The following RPTOR variants were observed in gnomAD, a reference collection of about 807,000 sequenced individuals.
RPTOR encodes regulatory associated protein of MTOR complex 1.
Under a neutral mutation model 169.9 loss-of-function variants are expected in RPTOR, and 21 were observed. The ratio of observed to expected loss-of-function variants is 0.12; its 90% CI spans 0.09 to 0.18. RPTOR has a LOEUF of 0.18. RPTOR is among the 10% of genes least tolerant of loss of function. The pLI is 1.00. For synonymous variants in RPTOR, 732 were observed against 753.2 expected (o/e 0.97, Z 0.46); for missense variants, 1,133 against 1,855.9 (o/e 0.61, Z 7.16).
At chr17:80,810,093 AAAAC>A (rs1322489841) in intron 7 of RPTOR, among the ~76,000 whole-genome samples, 1 of 147,132 alleles carries the variant, frequency 6.8e-6, no homozygotes, top group Admixed American at 6.7e-5. Context: ...ATAAATAAAT[AAAAC>A]AGTCTTTTGA....
At chr17:80,701,038 G>C (rs930230468) in intron 3 of RPTOR, among the ~76,000 whole-genome samples, 3 of 152,138 alleles carry the variant, frequency 2.0e-5, no homozygotes, top group Non-Finnish European at 4.4e-5. Context: ...CTGTTGTCCA[G>C]CTGGGTGATT....
At chr17:80,785,093 C>T (rs1241121163) in intron 6 of RPTOR, among the ~76,000 whole-genome samples, 1 of 152,194 alleles carries the variant, frequency 6.6e-6, no homozygotes, top group East Asian at 1.9e-4. Context: ...TTTGCTGTAT[C>T]TCTGTATGAC....
chr17:80,904,286 A>G (rs2068513932), intron 20 of RPTOR, among the ~76,000 whole-genome samples: 1 of 151,614 alleles, frequency 6.6e-6, no homozygotes, highest in Non-Finnish European at 1.5e-5. Flanking sequence ...GTTCCCCAGG[A>G]TGGCAGAGGG....
intron 16 of RPTOR, 22 bp from the exon 17 acceptor site, chr17:80,884,986 G>A (rs752941990): frequency 1.2e-6 from 2 of 1,601,908 alleles, no homozygotes; most frequent in Admixed American, 1.7e-5. Context: ...GGACATGCCT[G>A]TGACCCCCCG....
chr17:80,884,641 A>G (rs1375273298), intron 16 of RPTOR, among the ~76,000 whole-genome samples: 1 of 152,136 alleles, frequency 6.6e-6, no homozygotes, highest in Non-Finnish European at 1.5e-5. Flanking sequence ...CTCTGCGTCC[A>G]GGAGTGCCTG....
intron 21 of RPTOR, 24 bp downstream of exon 21, chr17:80,908,953 G>T: frequency 6.6e-7 from 1 of 1,521,166 alleles, no homozygotes. Context: ...GCTCCCCACC[G>T]CGCTCCAGCT....
chr17:80,921,917 C>A (rs2068749542), intron 21 of RPTOR, among the ~76,000 whole-genome samples: 1 of 152,224 alleles, frequency 6.6e-6, no homozygotes, highest in Non-Finnish European at 1.5e-5. Context: ...CCCAGCACCA[C>A]CTGCGTGCGC....
At chr17:80,561,265 A>ATATATATATATATATATATATATG in intron 1 of RPTOR, among the ~76,000 whole-genome samples, 1 of 30,534 alleles carries the variant, frequency 3.3e-5, no homozygotes, top group African/African-American at 9.5e-5. Context: ...ATATATATGT[A>ATATATATATATATATATATATATG]TATATATATA....
intron 32 of RPTOR, 36 bp downstream of exon 32, chr17:80,962,613 ACC>A: frequency 6.4e-7 from 1 of 1,560,574 alleles, no homozygotes; most frequent in Admixed American, 1.7e-5. Flanking sequence ...TGCACCGCTC[ACC>A]CGCCTCGGGC....
intron 1 of RPTOR, among the ~76,000 whole-genome samples, chr17:80,581,742 A>G (rs149860932): frequency 0.01 from 1,521 of 151,812 alleles, 13 homozygotes; most frequent in Non-Finnish European, 0.014. Flanking sequence ...CATGCCTGCT[A>G]TTCTCTGCAG....
chr17:80,545,854 C>A, intron 1 of RPTOR, 63 bp downstream of exon 1: 1 of 1,398,686 alleles, frequency 7.1e-7, no homozygotes, highest in Non-Finnish European at 9.7e-7. Flanking sequence ...AAGTTTACAG[C>A]CCGAAAAGTG....
intron 13 of RPTOR, among the ~76,000 whole-genome samples, chr17:80,876,177 G>A (rs1174331377): frequency 4.2e-4 from 44 of 105,396 alleles, no homozygotes; most frequent in East Asian, 6.9e-4. Context: ...GCCACGCAGG[G>A]TGTGTGTGTC....
At chr17:80,779,491 C>T (rs2066919707) in intron 6 of RPTOR, among the ~76,000 whole-genome samples, 2 of 152,186 alleles carry the variant, frequency 1.3e-5, no homozygotes, top group East Asian at 1.9e-4. Flanking sequence ...CGTGCACTGA[C>T]GTCGTCACAG....
At chr17:80,843,680 C>T (rs1166903149) in intron 10 of RPTOR, among the ~76,000 whole-genome samples, 4 of 152,064 alleles carry the variant, frequency 2.6e-5, no homozygotes, top group Non-Finnish European at 5.9e-5. Flanking sequence ...GCAAGCTTGT[C>T]GTAAGTGGCA....
rs1467657512 is a variant in RPTOR, at chr17:80,646,533, C to T, written c.348+2723C>T. Among the ~76,000 whole-genome samples, 2 of 152,168 alleles carry T rather than the reference C, an allele frequency of 1.3e-5. No homozygotes were observed. Among genetic ancestry groups the T allele is most frequent in the East Asian group, 3.8e-4 (2 of 5,196 alleles). On this transcript the variant is annotated intron_variant, in intron 3 of 33. Transcript: ENST00000306801. This position sits in a 1 kb window ranked among gnomAD's most constrained non-coding sequence, Gnocchi z 5.0. ...TCTAGAGTTTGCATGAAACAGGAGG[C>T]ACTTAGCAAACTCAGATGTTTGTGT...
intron 5 of RPTOR, among the ~76,000 whole-genome samples, chr17:80,744,230 C>T (rs1339325257): frequency 1.2e-4 from 12 of 100,816 alleles, no homozygotes; most frequent in South Asian, 3.0e-4. Flanking sequence ...TGGCTACTAG[C>T]ACAGCCCTGG....
At chr17:80,765,837 T>TTACTTA (rs1220136620) in intron 6 of RPTOR, among the ~76,000 whole-genome samples, 2 of 152,204 alleles carry the variant, frequency 1.3e-5, no homozygotes, top group Non-Finnish European at 2.9e-5. Flanking sequence ...TGGTAAAGGC[T>TTACTTA]ACATCAGAGC....
chr17:80,844,470 T>C lies in RPTOR; in HGVS notation c.1213-2003T>C, dbSNP rs2067704159. ...TCAAGCCTTCTCTAACTCAGGAGAA[T>C]TACGTTCTCGCGGGATGTGGAGGAG... is the stretch of plus-strand genomic sequence containing the variant. On this transcript the variant is annotated intron_variant, in intron 10 of 33. Coordinates refer to ENST00000306801, the MANE Select transcript of RPTOR (RefSeq NM_020761.3). This position sits in a 1 kb window ranked among gnomAD's most constrained non-coding sequence, Gnocchi z 4.7. Among the ~76,000 whole-genome samples the C allele has an allele frequency of 6.6e-6, 1 of 152,194 alleles. No individual in the cohort carries two copies. The highest frequency in any genetic ancestry group is 2.4e-5 in the African/African-American group (1 of 41,446).
At chr17:80,793,095 G>A (rs2067066156) in intron 7 of RPTOR, among the ~76,000 whole-genome samples, 1 of 152,204 alleles carries the variant, frequency 6.6e-6, no homozygotes, top group East Asian at 1.9e-4. Context: ...ACAGGCGTGA[G>A]TGATTCTGGC....
Sources: gnomAD v4.1 joint callset for allele counts (sites outside exome capture counted in the v4.1 genomes callset) on GRCh38, gnomAD v4.1.1 for gene constraint, Gnocchi (gnomAD v3.1) non-coding constraint, MANE v1.5 for transcripts, NCBI Gene and HGNC (gene_info 2026-07-23, HGNC 2026-07-21) for gene names.